Variants in RBM25 observed in about 807,000 individuals in gnomAD.
The protein encoded by RBM25 is RNA-binding protein 25.
RBM25 carries 19 observed loss-of-function variants against 120.7 expected under a neutral mutation model. The ratio of observed to expected loss-of-function variants is 0.16; its 90% CI spans 0.11 to 0.23. The LOEUF (loss-of-function observed/expected upper bound fraction) is 0.23. RBM25 is among the 10% of genes least tolerant of loss of function. RBM25 has a pLI of 1.00. For synonymous variants in RBM25, 390 were observed against 326.7 expected, an observed-to-expected ratio of 1.19 and a Z score of -2.09; for missense variants, 605 against 1,041.5, an observed-to-expected ratio of 0.58 and a Z score of 5.77.
chr14:73,088,737 G>A (rs1166432177), intron 6 of RBM25, among the ~76,000 whole-genome samples: 1 of 151,936 alleles, frequency 6.6e-6, no homozygotes, highest in African/African-American at 2.4e-5. Flanking sequence ...TTCCTTTTTG[G>A]CATCTCATGC....
intron 18 of RBM25, among the ~76,000 whole-genome samples, chr14:73,114,537 TTAA>T (rs780635419): frequency 3.0e-4 from 45 of 152,114 alleles, no homozygotes; most frequent in Non-Finnish European, 4.7e-4. Context: ...TGCACTATTA[TTAA>T]TATTTTAATT....
In RBM25 at chr14:73,119,852, CT is replaced by C; in HGVS notation, c.*51del. The C allele has an allele frequency of 1.3e-6, 2 of 1,556,210 alleles. No homozygotes were observed. The highest frequency in any genetic ancestry group is 8.6e-7 in the Non-Finnish European group (1 of 1,162,256). Reference sequence around the variant, plus strand: ...CATTTCAGATTTCTTCTTTGCCACCCTTTTAAGGACTTTGAATTTTTCTTTG... The same window carrying C: ...CATTTCAGATTTCTTCTTTGCCACCCTTTAAGGACTTTGAATTTTTCTTTG... On this transcript the variant is annotated 3_prime_UTR_variant, in exon 19 of 19. Coordinates refer to ENST00000261973, the MANE Select transcript of RBM25 (RefSeq NM_021239.3).
chr14:73,071,828 T>C, intron 2 of RBM25, 81 bp downstream of exon 2: 2 of 1,149,686 alleles, frequency 1.7e-6, no homozygotes, highest in Non-Finnish European at 2.6e-6. Context: ...ATGTTAGATA[T>C]GTGACTGTGT....
chr14:73,091,648 G>A (rs1186401591), intron 6 of RBM25, among the ~76,000 whole-genome samples: 1 of 152,060 alleles, frequency 6.6e-6, no homozygotes, highest in Admixed American at 6.6e-5. Context: ...GAGGTCGGAG[G>A]ATCACCTGAG....
intron 13 of RBM25, among the ~76,000 whole-genome samples, chr14:73,108,202 A>G (rs1404443302): frequency 6.6e-6 from 1 of 151,956 alleles, no homozygotes; most frequent in East Asian, 1.9e-4. Flanking sequence ...TTTTTTCTTG[A>G]TTCTTTTAGA....
intron 1 of RBM25, among the ~76,000 whole-genome samples, chr14:73,070,294 T>G (rs1435957395): frequency 6.6e-6 from 1 of 151,974 alleles, no homozygotes; most frequent in African/African-American, 2.4e-5. Context: ...TGACCTCAGG[T>G]TTTCCACCCG....
At chr14:73,070,773 C>T (rs1181405252) in intron 1 of RBM25, among the ~76,000 whole-genome samples, 2 of 151,826 alleles carry the variant, frequency 1.3e-5, no homozygotes, top group Non-Finnish European at 2.9e-5. Flanking sequence ...ATGGTGAAAC[C>T]CCGTCTCTAC....
rs1285375462 is a variant in RBM25 at position 73,120,803 on chromosome 14, CAG to C, written c.*1000_*1001del. ...AATGAAATAAAATTAGGCAAATTGA[CAG>C]ACAGTGAGAGTTTTACAAACATGAT... On this transcript the variant is annotated 3_prime_UTR_variant, in exon 19 of 19. Coordinates refer to ENST00000261973, the MANE Select transcript of RBM25 (RefSeq NM_021239.3). 1 of 152,120 alleles carries C rather than the reference CAG, an allele frequency of 6.6e-6. No individual in the cohort carries two copies. The highest frequency in any genetic ancestry group is 1.5e-5 in the Non-Finnish European group (1 of 68,006). The allele number at this position is 152,120 out of a possible 1,614,324, so 9.4% of individuals were successfully genotyped here. A position where few individuals can be genotyped will look rare whatever the true frequency, so the allele number is the denominator to read the frequency against.
chr14:73,083,293 T>G (rs530090222), intron 4 of RBM25, among the ~76,000 whole-genome samples: 50 of 152,204 alleles, frequency 3.3e-4, no homozygotes, highest in Non-Finnish European at 5.3e-4. Context: ...CAGTAAGAAT[T>G]TATATTTTTC....
chr14:73,090,291 T>C (rs1321480613), intron 6 of RBM25, among the ~76,000 whole-genome samples: 1 of 152,096 alleles, frequency 6.6e-6, no homozygotes, highest in African/African-American at 2.4e-5. Context: ...CCTCAGGTGA[T>C]CCACCCACCT....
Position 73,122,230 on chromosome 14 carries a change from A to G in RBM25, c.*2425A>G, listed in dbSNP as rs1308857964. The G allele has an allele frequency of 6.6e-6, 1 of 151,476 alleles. No individual in the cohort carries two copies. The highest frequency in any genetic ancestry group is 1.5e-5 in the Non-Finnish European group (1 of 67,780). The allele number at this position is 151,476 out of a possible 1,614,324, so 9.4% of individuals were successfully genotyped here. A position where few individuals can be genotyped will look rare whatever the true frequency, so the allele number is the denominator to read the frequency against. The stretch of plus-strand genomic sequence containing the variant: ...CAGTATGAATTCATTTTGCCATTTC[A>G]AGTTGTTATATAAAGAGCATGAAAG... On this transcript the variant is annotated 3_prime_UTR_variant, in exon 19 of 19. Transcript: ENST00000261973.
In RBM25 at chr14:73,114,270, T is replaced by A; in HGVS notation, c.2392-16T>A. On this transcript the variant is annotated splice_polypyrimidine_tract_variant and intron_variant, in intron 17 of 18. Coordinates refer to ENST00000261973, the MANE Select transcript of RBM25 (RefSeq NM_021239.3). ...TTTTATTTATTTTTAATGTGACAATTATTTTTCTCTTTTAGGTTATGGCTC... is the reference window on the plus strand; with the variant it reads ...TTTTATTTATTTTTAATGTGACAATAATTTTTCTCTTTTAGGTTATGGCTC... 6.6e-7 allele frequency: 1 copy of A among 1,504,280 alleles called. No individual in the cohort carries two copies. Among genetic ancestry groups the A allele is most frequent in the Non-Finnish European group, 8.9e-7 (1 of 1,120,280 alleles). 93.2% of individuals were successfully genotyped at this position (1,504,280 alleles called of 1,614,324 possible).
intron 17 of RBM25, among the ~76,000 whole-genome samples, 184 bp from the exon 18 acceptor site, chr14:73,114,102 A>G (rs1896373489): frequency 6.6e-6 from 1 of 151,294 alleles, no homozygotes; most frequent in Non-Finnish European, 1.5e-5. Context: ...ATGGAGATTA[A>G]TATTCCAGGT....
chr14:73,101,905 A>G (rs1411258755), intron 9 of RBM25: 1 of 152,208 alleles, frequency 6.6e-6, no homozygotes. Flanking sequence ...TCCTCTTTCT[A>G]TCATATCTTA....
chr14:73,091,520 T>G (rs1359578308), intron 6 of RBM25, among the ~76,000 whole-genome samples: 1 of 152,154 alleles, frequency 6.6e-6, no homozygotes, highest in Non-Finnish European at 1.5e-5. Flanking sequence ...AGCTTACATT[T>G]TTTGTATAAT....
At chr14:73,106,171 A>G (rs1396728232) in intron 11 of RBM25, 25 bp from the exon 12 acceptor site, 7 of 1,576,888 alleles carry the variant, frequency 4.4e-6, no homozygotes, top group Admixed American at 2.0e-5. Context: ...AAATTTTTAA[A>G]GCTTTGAAAA....
chr14:73,121,604 C>A lies in RBM25; in HGVS notation c.*1799C>A, dbSNP rs1011835113. 2.6e-5 allele frequency: 4 copies of A among 152,164 alleles called. No individual in the cohort carries two copies. The highest frequency in any genetic ancestry group is 5.9e-5 in the Non-Finnish European group (4 of 68,026). The allele number at this position is 152,164 out of a possible 1,614,324, so 9.4% of individuals were successfully genotyped here. A position where few individuals can be genotyped will look rare whatever the true frequency, so the allele number is the denominator to read the frequency against. ...TTTTCAGTCTTTTCTTAGACACACC[C>A]CCAGCCTAAGACCTTGTTCGAGGAG... On this transcript the variant is annotated 3_prime_UTR_variant, in exon 19 of 19. Transcript: ENST00000261973.
Position 73,120,084 on chromosome 14 carries a change from T to C in RBM25, c.*279T>C. ...ACACAGCCTATCTGATATAATCTTG[T>C]TCTGCTGATTTGTTTCTTGTAAATA... On this transcript the variant is annotated 3_prime_UTR_variant, in exon 19 of 19. Coordinates refer to ENST00000261973, the MANE Select transcript of RBM25 (RefSeq NM_021239.3). 3.8e-6 allele frequency: 1 copy of C among 261,614 alleles called. No individual in the cohort carries two copies. The highest frequency in any genetic ancestry group is 7.0e-6 in the Non-Finnish European group (1 of 142,558). The allele number at this position is 261,614 out of a possible 1,614,324, so 16.2% of individuals were successfully genotyped here.
intron 1 of RBM25, among the ~76,000 whole-genome samples, chr14:73,070,321 TG>T (rs1895253646): frequency 6.6e-6 from 1 of 152,166 alleles, no homozygotes; most frequent in Admixed American, 6.6e-5. Flanking sequence ...CCTCCCAAAG[TG>T]TTGGGATTAC....
Sources: allele counts gnomAD v4.1 joint callset (sites outside exome capture counted in the v4.1 genomes callset), GRCh38; gene constraint gnomAD v4.1.1; transcripts MANE v1.5; gene names NCBI Gene and HGNC (gene_info 2026-07-23, HGNC 2026-07-21).